WDR4: variants seen among roughly 807,000 people sequenced by gnomAD.
WDR4 encodes the protein WDR4 tRNA N7-guanosine methyltransferase non-catalytic subunit, also known as tRNA (guanine-N(7)-)-methyltransferase non-catalytic subunit WDR4.
WDR4 carries 47 observed loss-of-function variants against 48.6 expected under a neutral mutation model. That is an observed-to-expected ratio of 0.97 (90% confidence interval 0.77 to 1.23). The LOEUF (loss-of-function observed/expected upper bound fraction) is 1.23. WDR4 is among the 50% of genes most tolerant of loss of function. The probability of loss-of-function intolerance (pLI) is 0.00; values close to 1 mark genes in which losing one functional copy is unlikely to be tolerated. For missense variants in WDR4, 606 were observed against 551.6 expected (o/e 1.10, Z -0.99); for synonymous variants, 268 against 230.0 (o/e 1.17, Z -1.49).
In WDR4 at chr21:42,863,440, C is replaced by T; in HGVS notation, c.453G>A (p.Val151=). The change falls in exon 4 of 11, where the codon GTG becomes GTA. Residue 151 remains valine, a splice_region_variant and synonymous_variant. Coordinates refer to ENST00000398208, the MANE Select transcript of WDR4 (RefSeq NM_018669.6). Reference sequence around the variant, plus strand: ...CCCACCTACCACGTCCCCCACCTACCACATCTAACAGCATAGACAGGTGCC... The same window carrying T: ...CCCACCTACCACGTCCCCCACCTACTACATCTAACAGCATAGACAGGTGCC... ...ELGHLSMLLD[V]AVSPDDRFIL... The T allele has an allele frequency of 6.2e-7, 1 of 1,608,050 alleles. No homozygotes were observed. The highest frequency in any genetic ancestry group is 1.3e-5 in the African/African-American group (1 of 74,746).
At chr21:42,872,579 C>T (rs1017437222) in intron 3 of WDR4, among the ~76,000 whole-genome samples, 3 of 150,526 alleles carry the variant, frequency 2.0e-5, no homozygotes, top group Non-Finnish European at 4.4e-5. Context: ...CCACCGCACT[C>T]CAGCCTGGGT....
chr21:42,847,048 A>C (rs2057716847), downstream of WDR4, among the ~76,000 whole-genome samples: 4 of 147,148 alleles, frequency 2.7e-5, no homozygotes, highest in Admixed American at 2.7e-4. Flanking sequence ...AAAAAAAAAA[A>C]CCAGATACAA....
chr21:42,883,726 T>C (rs1018762958), upstream of WDR4: 4 of 153,632 alleles, frequency 2.6e-5, no homozygotes, highest in African/African-American at 9.7e-5. Context: ...GGAAGAATTC[T>C]CCCCTAGACC....
chr21:42,876,217 TC>T (rs1489979866), intron 2 of WDR4, among the ~76,000 whole-genome samples: 27 of 117,904 alleles, frequency 2.3e-4, no homozygotes, highest in African/African-American at 1.0e-3. Context: ...AACACTGTAC[TC>T]TTTTTTTTTT....
At chr21:42,881,612 A>T (rs1286448682), upstream of WDR4, among the ~76,000 whole-genome samples, 2 of 151,884 alleles carry the variant, frequency 1.3e-5, no homozygotes, top group Non-Finnish European at 2.9e-5. Flanking sequence ...CCATTTGTCC[A>T]CCTCCCGTAG....
intron 3 of WDR4, among the ~76,000 whole-genome samples, chr21:42,865,961 C>G (rs1041588728): frequency 1.6e-4 from 25 of 152,120 alleles, no homozygotes; most frequent in Non-Finnish European, 2.1e-4. Context: ...CTGAGGACAC[C>G]AGGCACCATC....
intron 3 of WDR4, among the ~76,000 whole-genome samples, chr21:42,867,604 A>C (rs34047728): frequency 0.13 from 20,348 of 152,116 alleles, 1,401 homozygotes; most frequent in East Asian, 0.23. Flanking sequence ...CAAAATCCGA[A>C]ACATTCCAGT....
chr21:42,863,596 C>A lies in WDR4; in HGVS notation c.297G>T (p.Arg99Ser). 6.2e-7 allele frequency: 1 copy of A among 1,611,938 alleles called. No individual in the cohort carries two copies. Residue 99 changes from arginine (R) to serine (S), a missense_variant and splice_region_variant, in exon 4 of 11, where the codon AGG becomes AGT. By Grantham distance (110) the Arg-to-Ser change is moderately radical. Coordinates refer to ENST00000398208, the MANE Select transcript of WDR4 (RefSeq NM_018669.6). ...RTKPWQCLSVRTVARRCTALT... is the reference protein window; with the variant it reads ...RTKPWQCLSVSTVARRCTALT... The stretch of plus-strand genomic sequence containing the variant: ...GGGCTGTACACCTCCTTGCCACGGT[C>A]CTAGAAGGCCAGAAAGACACCCCCA...
chr21:42,857,087 T>C (rs562868408), intron 6 of WDR4, among the ~76,000 whole-genome samples: 86 of 150,118 alleles, frequency 5.7e-4, no homozygotes, highest in Non-Finnish European at 1.1e-3. Context: ...AAGACCAAGG[T>C]GGTGAGGGGA....
At chr21:42,875,873 A>T (rs114415484) in intron 2 of WDR4, among the ~76,000 whole-genome samples, 1,568 of 151,130 alleles carry the variant, frequency 0.01, 15 homozygotes, top group African/African-American at 0.035. Context: ...AGATGTGATT[A>T]CTGACAGAAA....
upstream of WDR4, among the ~76,000 whole-genome samples, chr21:42,881,193 A>ATGATCCATGTTAGTCAGGCTGGTCT (rs2058607462): frequency 6.6e-6 from 1 of 152,202 alleles, no homozygotes; most frequent in African/African-American, 2.4e-5. Context: ...GGCGTGAGCC[A>ATGATCCATGTTAGTCAGGCTGGTCT]CCGCGCCCAG....
chr21:42,873,972 T>G (rs1343890420), intron 2 of WDR4, among the ~76,000 whole-genome samples: 1 of 152,154 alleles, frequency 6.6e-6, no homozygotes, highest in African/African-American at 2.4e-5. Flanking sequence ...CTCTTCCTCA[T>G]GGGCAAGGAC....
chr21:42,867,664 G>A (rs993460191), intron 3 of WDR4, among the ~76,000 whole-genome samples: 3 of 152,038 alleles, frequency 2.0e-5, no homozygotes, highest in Non-Finnish European at 2.9e-5. Flanking sequence ...TTCGGATTTT[G>A]GAGGATTGTG....
chr21:42,874,704 T>C (rs752188793), intron 2 of WDR4, among the ~76,000 whole-genome samples: 1 of 151,972 alleles, frequency 6.6e-6, no homozygotes, highest in Non-Finnish European at 1.5e-5. Context: ...CCAGGCTTAC[T>C]AGGATGAGGA....
chr21:42,888,606 T>G, the WDR4 span, among the ~76,000 whole-genome samples: 1 of 148,030 alleles, frequency 6.8e-6, no homozygotes, highest in Non-Finnish European at 1.5e-5. Flanking sequence ...TGTTTCCTAT[T>G]GGTTTTTTTT....
chr21:42,850,728 C>T (rs1569311817), intron 10 of WDR4, among the ~76,000 whole-genome samples: 1 of 152,180 alleles, frequency 6.6e-6, no homozygotes, highest in African/African-American at 2.4e-5. Context: ...AGTCCGGACC[C>T]CTGACCCACA....
At position 42,850,197 on chromosome 21, in the gene WDR4, G is replaced by A. The variant is rs140186844; in HGVS notation, c.1091C>T (p.Thr364Met). ...DASFSSLYKA[T>M]FDNVTSYLKK... Reference sequence around the variant, plus strand: ...CAGGTAGGAGGTCACGTTGTCGAACGTGGCCTTGTAGAGACTGCTGAAGCT... The same window carrying A: ...CAGGTAGGAGGTCACGTTGTCGAACATGGCCTTGTAGAGACTGCTGAAGCT... The change falls in exon 11 of 11, where the codon ACG becomes ATG. Residue 364 changes from threonine to methionine, a missense_variant. Transcript: ENST00000398208. 7.4e-6 allele frequency: 12 copies of A among 1,613,750 alleles called. No individual in the cohort carries two copies. Among genetic ancestry groups the A allele is most frequent in the Admixed American group, 1.7e-5 (1 of 59,960 alleles).
Position 42,849,698 on chromosome 21 carries a change from C to A in WDR4, c.*351G>T. ...CAGAAACGTCAGCCCACAGATGCTC[C>A]TAGAGGAAGATGCAGCGGACACGAA... On this transcript the variant is annotated 3_prime_UTR_variant, in exon 11 of 11. Transcript: ENST00000398208. 1 of 214,344 alleles carries A rather than the reference C, an allele frequency of 4.7e-6. No homozygotes were observed. The highest frequency in any genetic ancestry group is 9.3e-6 in the Non-Finnish European group (1 of 107,606). The allele number at this position is 214,344 out of a possible 1,614,324, so 13.3% of individuals were successfully genotyped here. A position where few individuals can be genotyped will look rare whatever the true frequency, so the allele number is the denominator to read the frequency against.
intron 3 of WDR4, 72 bp from the exon 4 acceptor site, chr21:42,863,668 C>T (rs564245377): frequency 2.0e-5 from 31 of 1,514,246 alleles, no homozygotes; most frequent in South Asian, 7.7e-5. Flanking sequence ...TGGCAGGCCA[C>T]GTGGGCGGTG....
Sources: allele counts gnomAD v4.1 joint callset (sites outside exome capture counted in the v4.1 genomes callset), GRCh38; gene constraint gnomAD v4.1.1; transcripts MANE v1.5; gene names NCBI Gene and HGNC (gene_info 2026-07-23, HGNC 2026-07-21).